Variants in AGL observed in about 807,000 individuals in gnomAD.
The protein encoded by AGL is glycogen debranching enzyme.
AGL carries 128 observed loss-of-function variants against 199.3 expected under a neutral mutation model. The observed-to-expected ratio is 0.64, with a 90% CI of 0.56 to 0.74. The LOEUF (loss-of-function observed/expected upper bound fraction) is 0.74, where lower values mean the gene tolerates loss of function less well. Among genes scored for constraint, AGL ranks in the 30% least tolerant of loss-of-function variants. AGL has a pLI of 0.00. For synonymous variants in AGL, 584 were observed against 594.7 expected, an observed-to-expected ratio of 0.98 and a Z score of 0.26; for missense variants, 1,809 against 1,820.8, an observed-to-expected ratio of 0.99 and a Z score of 0.12.
At chr1:99,897,588 A>G (rs1175727602) in intron 25 of AGL, among the ~76,000 whole-genome samples, 3 of 152,178 alleles carry the variant, frequency 2.0e-5, no homozygotes, top group Non-Finnish European at 2.9e-5. Flanking sequence ...ACCTTTTTGT[A>G]TTACCATTAT....
intron 2 of AGL, among the ~76,000 whole-genome samples, chr1:99,851,989 C>T (rs574751548): frequency 6.6e-6 from 1 of 152,200 alleles, no homozygotes; most frequent in South Asian, 2.1e-4. Flanking sequence ...GTACCTACTC[C>T]ATTTTTGGCT....
At chr1:99,855,809 A>G (rs1331320506) in intron 2 of AGL, among the ~76,000 whole-genome samples, 1 of 152,314 alleles carries the variant, frequency 6.6e-6, no homozygotes, top group Admixed American at 6.5e-5. Context: ...TCAAAAAAAA[A>G]AAAGAATAAT....
At chr1:99,897,363 A>G (rs1182547413) in intron 25 of AGL, among the ~76,000 whole-genome samples, 2 of 152,158 alleles carry the variant, frequency 1.3e-5, no homozygotes, top group African/African-American at 4.8e-5. Flanking sequence ...GATGATTATC[A>G]ACAGTCTAAG....
At chr1:99,886,792 G>T (rs1026804248) in intron 20 of AGL, among the ~76,000 whole-genome samples, 1 of 152,092 alleles carries the variant, frequency 6.6e-6, no homozygotes. Context: ...TATTGTTAAG[G>T]ATATTAACTC....
intron 21 of AGL, among the ~76,000 whole-genome samples, chr1:99,889,782 T>C (rs771344084): frequency 2.2e-4 from 34 of 152,152 alleles, no homozygotes; most frequent in Admixed American, 1.2e-3. Flanking sequence ...TCCTTATCTT[T>C]CTAATGAAAT....
At chr1:99,908,442 G>A (rs1282268154) in intron 27 of AGL, among the ~76,000 whole-genome samples, 1 of 152,156 alleles carries the variant, frequency 6.6e-6, no homozygotes, top group Non-Finnish European at 1.5e-5. Context: ...AAATGAGGAA[G>A]CATGAGTCTT....
chr1:99,919,117 GC>G (rs2100889205), intron 33 of AGL, among the ~76,000 whole-genome samples: 1 of 152,254 alleles, frequency 6.6e-6, no homozygotes, highest in South Asian at 2.1e-4. Context: ...AATTGTAGCT[GC>G]TTTGTAGTGT....
chr1:99,873,284 C>T (rs184101364), intron 7 of AGL, among the ~76,000 whole-genome samples: 7 of 152,148 alleles, frequency 4.6e-5, no homozygotes, highest in Non-Finnish European at 7.4e-5. Context: ...CACCATAATA[C>T]TTCATAGTGT....
At position 99,892,320 on chromosome 1, in the gene AGL, C is replaced by CTA. The variant is rs1391069092; in HGVS notation, c.3084-110_3084-109dup. 4.2e-6 allele frequency: 4 copies of CTA among 959,378 alleles called. No homozygotes were observed. The African/African-American group carries it at 6.7e-5, about 16-fold the overall frequency. The allele number at this position is 959,378 out of a possible 1,614,324, so 59.4% of individuals were successfully genotyped here. A position where few individuals can be genotyped will look rare whatever the true frequency, so the allele number is the denominator to read the frequency against. ...GTTTTAAAAATGTTAAGTAATATTACTATTGTTATAGATTTGTATAGAAAA... is the reference window on the plus strand; with the variant it reads ...GTTTTAAAAATGTTAAGTAATATTACTATATTGTTATAGATTTGTATAGAAAA... On this transcript the variant is annotated intron_variant, in intron 23 of 33. Transcript: ENST00000361915.
chr1:99,886,711 G>T (rs535145670), intron 20 of AGL, among the ~76,000 whole-genome samples: 3 of 152,234 alleles, frequency 2.0e-5, no homozygotes, highest in Admixed American at 6.5e-5. Context: ...TTTATTTGTT[G>T]AAGTGTTGTT....
At chr1:99,861,762 A>T in intron 3 of AGL, 49 bp downstream of exon 3, 1 of 1,590,856 alleles carries the variant, frequency 6.3e-7, no homozygotes, top group Non-Finnish European at 8.6e-7. Flanking sequence ...TTGTTCTGTA[A>T]TTTGAAGTCA....
chr1:99,863,974 A>G (rs1407584113), intron 4 of AGL, among the ~76,000 whole-genome samples: 1 of 152,164 alleles, frequency 6.6e-6, no homozygotes, highest in Admixed American at 6.5e-5. Context: ...AAGTTGGATA[A>G]TACATGAAGA....
At position 99,900,719 on chromosome 1, in the gene AGL, A is replaced by G. The variant is rs1188420969; in HGVS notation, c.3446A>G (p.Asn1149Ser). 3.7e-6 allele frequency: 6 copies of G among 1,613,954 alleles called. No homozygotes were observed. The highest frequency in any genetic ancestry group is 5.1e-6 in the Non-Finnish European group (6 of 1,180,026). The change falls in exon 26 of 34, where the codon AAT (asparagine) becomes AGT (serine). Residue 1149 changes from asparagine (N) to serine (S), a missense_variant. Coordinates refer to ENST00000361915, the MANE Select transcript of AGL (RefSeq NM_000642.3). ...GGTGAAGGAATTTATGCCAGATACA[A>G]TTGTCGGGATGCTGTGTGGTGGTGG... is the stretch of plus-strand genomic sequence containing the variant. The part of the protein sequence containing the change: ...LLGEGIYARY[N>S]CRDAVWWWLQ...
At chr1:99,854,500 C>A (rs920708932) in intron 2 of AGL, among the ~76,000 whole-genome samples, 1 of 152,238 alleles carries the variant, frequency 6.6e-6, no homozygotes, top group Middle Eastern at 3.4e-3. Flanking sequence ...CGGTGGCTCA[C>A]GCCTGTAATC....
rs367721028 is a variant in AGL, at chr1:99,900,838, G to C, written c.3565G>C (p.Ala1189Pro). The C allele has an allele frequency of 1.2e-6, 2 of 1,611,904 alleles. No homozygotes were observed. Among genetic ancestry groups the C allele is most frequent in the African/African-American group, 2.7e-5 (2 of 74,468 alleles). ...CAGAATGTATCCTACAGATGATTCT[G>C]CTCCTTTGCCTGCTGGCACACTGGT... The part of the protein sequence containing the change: ...VSRMYPTDDS[A>P]PLPAGTLDQP... The change falls in exon 26 of 34, where the codon GCT (alanine) becomes CCT (proline). Residue 1189 changes from alanine to proline, a missense_variant. Transcript: ENST00000361915.
intron 20 of AGL, among the ~76,000 whole-genome samples, chr1:99,886,322 TA>T (rs1652450700): frequency 6.6e-6 from 1 of 151,898 alleles, no homozygotes; most frequent in African/African-American, 2.4e-5. Context: ...CAAAACGTTT[TA>T]AAAAAATTAG....
chr1:99,874,903 A>C, intron 8 of AGL, 93 bp downstream of exon 8: 1 of 1,428,246 alleles, frequency 7.0e-7, no homozygotes, highest in Admixed American at 1.8e-5. Context: ...AAAACGCTTA[A>C]TAGAAAATGA....
chr1:99,870,617 AAAAAATTTCT>A, intron 6 of AGL, 36 bp downstream of exon 6: 1 of 1,608,988 alleles, frequency 6.2e-7, no homozygotes, highest in Non-Finnish European at 8.5e-7. Context: ...ACTAAAACAG[AAAAAATTTCT>A]AAAGCACACA....
At chr1:99,900,966 C>T (rs1038286199) in intron 26 of AGL, 105 bp downstream of exon 26, 37 of 1,069,602 alleles carry the variant, frequency 3.5e-5, no homozygotes, top group South Asian at 1.3e-4. Flanking sequence ...CCAAATCTTA[C>T]GAATTATTCA....
Sources: allele counts gnomAD v4.1 joint callset (sites outside exome capture counted in the v4.1 genomes callset), GRCh38; gene constraint gnomAD v4.1.1; transcripts MANE v1.5; gene names NCBI Gene and HGNC (gene_info 2026-07-23, HGNC 2026-07-21).